Variants in DCDC1 observed in about 807,000 individuals in gnomAD.
DCDC1 encodes the protein doublecortin domain-containing protein 1.
Under a neutral mutation model 178.3 loss-of-function variants are expected in DCDC1, and 200 were observed. That is an observed-to-expected ratio of 1.12 (90% CI 1.00 to 1.26). The LOEUF is 1.26. DCDC1 is among the 50% of genes most tolerant of loss of function. The pLI is 0.00. For missense variants in DCDC1, 1,983 were observed against 1,749.2 expected (o/e 1.13, Z -2.38); for synonymous variants, 690 against 604.8 (o/e 1.14, Z -2.07).
intron 10 of DCDC1, among the ~76,000 whole-genome samples, chr11:31,135,912 C>T (rs901099872): frequency 1.3e-5 from 2 of 152,034 alleles, no homozygotes; most frequent in Non-Finnish European, 2.9e-5. Context: ...TACGTATTTG[C>T]TATACTGATC....
chr11:31,094,689 T>C (rs1231292851), intron 15 of DCDC1, among the ~76,000 whole-genome samples: 4 of 152,112 alleles, frequency 2.6e-5, no homozygotes, highest in African/African-American at 7.2e-5. Context: ...CAATGTGTCT[T>C]AGGATCTGCA....
In DCDC1 at chr11:31,305,615, C is replaced by T. The variant is rs1948404997; in HGVS notation, c.754G>A (p.Asp252Asn). 6.2e-7 allele frequency: 1 copy of T among 1,612,156 alleles called. No individual in the cohort carries two copies. Among genetic ancestry groups the T allele is most frequent in the African/African-American group, 1.3e-5 (1 of 74,686 alleles). ...PFLNPFKKIK[D>N]HLLLIKKVTW... The stretch of plus-strand genomic sequence containing the variant: ...AGGGTATTTTTTAGATCTTTTTTAC[C>T]TTTAATTTTTTTGAATGGATTTAAA... The change falls in exon 6 of 39, where the codon GAC becomes AAC. Residue 252 changes from aspartate (D) to asparagine (N), a missense_variant and splice_region_variant. Physicochemically the swap from Asp to Asn is conservative, Grantham distance 23. Transcript: ENST00000684477.
chr11:30,922,350 C>T (rs889047728), intron 24 of DCDC1, among the ~76,000 whole-genome samples, 153 bp downstream of exon 24: 5 of 152,320 alleles, frequency 3.3e-5, no homozygotes, highest in African/African-American at 1.2e-4. Flanking sequence ...ATACTCAACC[C>T]TGTCAAACAC....
intron 20 of DCDC1, among the ~76,000 whole-genome samples, chr11:31,012,426 C>A (rs1404081748): frequency 6.6e-6 from 1 of 151,622 alleles, no homozygotes; most frequent in African/African-American, 2.4e-5. Flanking sequence ...CACAGTGAGA[C>A]CTCATCTCTA....
At chr11:31,257,385 C>A (rs1944479074) in intron 8 of DCDC1, among the ~76,000 whole-genome samples, 1 of 152,076 alleles carries the variant, frequency 6.6e-6, no homozygotes, top group African/African-American at 2.4e-5. Context: ...CTCATAAACC[C>A]AAACTATGGC....
At position 31,198,345 on chromosome 11, in the gene DCDC1, G is replaced by A. The variant is rs566178518; in HGVS notation, c.1221+43105C>T. Among the ~76,000 whole-genome samples the A allele has an allele frequency of 2.6e-5, 4 of 152,106 alleles. No homozygotes were observed. In the South Asian group the frequency reaches 8.3e-4, roughly 32 times the overall value. ...TGATCATGGGACTTGTCTTGAAGGG[G>A]TGATCATGGGATTTCTCTTGAAGGC... On this transcript the variant is annotated intron_variant, in intron 9 of 38. Transcript: ENST00000684477.
intron 11 of DCDC1, among the ~76,000 whole-genome samples, chr11:31,111,993 T>C (rs998368816): frequency 4.6e-5 from 7 of 152,038 alleles, no homozygotes; most frequent in Non-Finnish European, 1.0e-4. Context: ...CCCTTCTACA[T>C]CCAGAAAAGT....
intron 8 of DCDC1, among the ~76,000 whole-genome samples, chr11:31,258,794 AT>A (rs1944584787): frequency 6.6e-6 from 1 of 152,194 alleles, no homozygotes; most frequent in Admixed American, 6.5e-5. Context: ...TTAGGCTTAA[AT>A]AATTCCATAG....
chr11:30,952,738 A>G lies in DCDC1; in HGVS notation c.2592-170T>C, dbSNP rs143903297. On this transcript the variant is annotated intron_variant, in intron 20 of 38. Transcript: ENST00000684477. ...AAAGAGACACAAATGAGAGTAACTT[A>G]CTAAAAAATAATAAATTTTAAAATC... Among the ~76,000 whole-genome samples the G allele has an allele frequency of 2.0e-3, 301 of 152,348 alleles. 1 individual carries two copies. Among genetic ancestry groups the G allele is most frequent in the African/African-American group, 6.8e-3 (283 of 41,596 alleles).
chr11:31,181,061 A>C (rs2136284960), intron 9 of DCDC1, among the ~76,000 whole-genome samples: 1 of 152,240 alleles, frequency 6.6e-6, no homozygotes, highest in African/African-American at 2.4e-5. Context: ...AAGCTTGAGT[A>C]GGTGGTTTTC....
At chr11:31,242,788 G>A (rs1977327519) in intron 8 of DCDC1, among the ~76,000 whole-genome samples, 1 of 151,784 alleles carries the variant, frequency 6.6e-6, no homozygotes. Context: ...TTTGCTACTG[G>A]TATTCTGCTA....
intron 9 of DCDC1, among the ~76,000 whole-genome samples, chr11:31,138,964 C>CT (rs1963493707): frequency 6.6e-6 from 1 of 151,694 alleles, no homozygotes; most frequent in African/African-American, 2.4e-5. Context: ...CTGATGATCA[C>CT]CCTAGATAAG....
intron 20 of DCDC1, among the ~76,000 whole-genome samples, chr11:31,032,233 G>T (rs1291288961): frequency 6.6e-6 from 1 of 152,038 alleles, no homozygotes; most frequent in Non-Finnish European, 1.5e-5. Flanking sequence ...AAGAAATATT[G>T]CTTCAGATTA....
At position 31,199,199 on chromosome 11, in the gene DCDC1, C is replaced by A. The variant is rs559443764; in HGVS notation, c.1221+42251G>T. On this transcript the variant is annotated intron_variant, in intron 9 of 38. Transcript: ENST00000684477. ...GGACTAAACCATAAAAGCTCTCTGT[C>A]TGTGAGATATAAACTCCCTGGAAAA... Among the ~76,000 whole-genome samples, 25 of 152,160 alleles carry A rather than the reference C, an allele frequency of 1.6e-4. No individual in the cohort carries two copies. The South Asian group carries it at 1.7e-3, about 10-fold the overall frequency.
chr11:31,016,706 G>A (rs927026718), intron 20 of DCDC1, among the ~76,000 whole-genome samples: 2 of 152,180 alleles, frequency 1.3e-5, no homozygotes, highest in African/African-American at 2.4e-5. Context: ...TGTCATGGGT[G>A]CCAAACTTGC....
At chr11:31,109,119 ATT>A (rs36063214) in intron 12 of DCDC1, among the ~76,000 whole-genome samples, 32,413 of 138,914 alleles carry the variant, frequency 0.23, 3,243 homozygotes, top group Middle Eastern at 0.26. Context: ...TAATATCTTC[ATT>A]TTTTTTTTTT....
At chr11:31,134,672 A>T (rs1406349844) in intron 10 of DCDC1, among the ~76,000 whole-genome samples, 1 of 152,164 alleles carries the variant, frequency 6.6e-6, no homozygotes, top group Non-Finnish European at 1.5e-5. Context: ...TTTTATACTG[A>T]TAATAATAAG....
At chr11:31,294,888 T>C (rs1300372164) in intron 6 of DCDC1, among the ~76,000 whole-genome samples, 1 of 151,262 alleles carries the variant, frequency 6.6e-6, no homozygotes, top group African/African-American at 2.4e-5. Flanking sequence ...AGAAAGAGTG[T>C]ATGTGGTTAA....
intron 9 of DCDC1, among the ~76,000 whole-genome samples, chr11:31,168,856 C>T (rs749378107): frequency 2.0e-5 from 3 of 151,928 alleles, no homozygotes; most frequent in South Asian, 4.1e-4. Context: ...ATTAATTATG[C>T]AATTTATTAT....
Sources: allele counts gnomAD v4.1 joint callset (sites outside exome capture counted in the v4.1 genomes callset), GRCh38; gene constraint gnomAD v4.1.1; transcripts MANE v1.5; gene names NCBI Gene and HGNC (gene_info 2026-07-23, HGNC 2026-07-21).